The following SLC6A11 variants were observed in gnomAD, a reference collection of about 807,000 sequenced individuals.
SLC6A11 encodes solute carrier family 6 member 11.
SLC6A11 carries 25 observed loss-of-function variants against 74.8 expected under a neutral mutation model. That is an observed-to-expected ratio of 0.33 (90% CI 0.24 to 0.47). The LOEUF (loss-of-function observed/expected upper bound fraction) is 0.47, where lower values mean the gene tolerates loss of function less well. SLC6A11 is among the 20% of genes least tolerant of loss of function. The pLI is 1.00. For synonymous variants in SLC6A11, 330 were observed against 330.2 expected (o/e 1.00, Z 0.01); for missense variants, 574 against 837.0 (o/e 0.69, Z 3.88).
At chr3:10,883,787 A>G (rs997887714) in intron 6 of SLC6A11, among the ~76,000 whole-genome samples, 1 of 152,154 alleles carries the variant, frequency 6.6e-6, no homozygotes, top group Non-Finnish European at 1.5e-5. Flanking sequence ...AAAAATGTCC[A>G]TATCGACATC....
chr3:10,936,155 G>T (rs1170520192), intron 13 of SLC6A11, among the ~76,000 whole-genome samples: 1 of 152,204 alleles, frequency 6.6e-6, no homozygotes, highest in Admixed American at 6.5e-5. Context: ...TGTGCCAGAA[G>T]CTGTTCTAAG....
Position 10,938,419 on chromosome 3 carries a change from T to G in SLC6A11, c.*17T>G, listed in dbSNP as rs1273822390. Reference sequence around the variant, plus strand: ...CACTTCTGAGCGGCCACCAGCCATCTGGGGCTCTTCTTCCTTTCTTCCCCC... The same window carrying G: ...CACTTCTGAGCGGCCACCAGCCATCGGGGGCTCTTCTTCCTTTCTTCCCCC... On this transcript the variant is annotated 3_prime_UTR_variant, in exon 14 of 14. Transcript: ENST00000254488. 1 of 1,574,616 alleles carries G rather than the reference T, an allele frequency of 6.4e-7. No homozygotes were observed. Among genetic ancestry groups the G allele is most frequent in the Admixed American group, 1.8e-5 (1 of 56,942 alleles).
At chr3:10,902,063 CGTGTGTCTGTGTGTGT>C (rs1214054544) in intron 6 of SLC6A11, among the ~76,000 whole-genome samples, 1 of 147,468 alleles carries the variant, frequency 6.8e-6, no homozygotes, top group African/African-American at 2.6e-5. Context: ...GTTGTGTGTG[CGTGTGTCTGTGTGTGT>C]GTGGGTCTGT....
intron 7 of SLC6A11, among the ~76,000 whole-genome samples, chr3:10,916,889 C>T (rs1024990302): frequency 6.6e-6 from 1 of 152,220 alleles, no homozygotes; most frequent in South Asian, 2.1e-4. Context: ...CAGTTCAATG[C>T]TCTCTCTACT....
chr3:10,934,605 T>G (rs2697161), intron 12 of SLC6A11, among the ~76,000 whole-genome samples: 2 of 152,058 alleles, frequency 1.3e-5, no homozygotes, highest in African/African-American at 4.8e-5. Flanking sequence ...TTAAAAAACA[T>G]CCTATCACTC....
intron 5 of SLC6A11, among the ~76,000 whole-genome samples, chr3:10,848,797 G>A (rs1004777059): frequency 3.9e-5 from 6 of 152,188 alleles, no homozygotes; most frequent in African/African-American, 1.4e-4. Flanking sequence ...TATTAGAATG[G>A]CTCCAGAATA....
At position 10,874,928 on chromosome 3, in the gene SLC6A11, C is replaced by A. The variant is rs78860697; in HGVS notation, c.757-33C>A. The A allele has an allele frequency of 5.4e-5, 85 of 1,575,614 alleles. 1 individual carries two copies. The highest frequency in any genetic ancestry group is 1.7e-4 in the Middle Eastern group (1 of 5,958). On this transcript the variant is annotated intron_variant, in intron 5 of 13. Coordinates refer to ENST00000254488, the MANE Select transcript of SLC6A11 (RefSeq NM_014229.3). Reference sequence around the variant, plus strand: ...GAAGTAACCCCATTGCTCTCACCCCCTTCTTGATTCTGTCCTCTCCTCTTG... The same window carrying A: ...GAAGTAACCCCATTGCTCTCACCCCATTCTTGATTCTGTCCTCTCCTCTTG...
At chr3:10,873,908 C>A (rs1278540876) in intron 5 of SLC6A11, among the ~76,000 whole-genome samples, 8 of 152,196 alleles carry the variant, frequency 5.3e-5, no homozygotes. Flanking sequence ...CTATCCTATG[C>A]TATGCTATGC....
intron 10 of SLC6A11, among the ~76,000 whole-genome samples, chr3:10,930,314 C>T (rs1482755956): frequency 6.6e-6 from 1 of 152,068 alleles, no homozygotes; most frequent in Non-Finnish European, 1.5e-5. Flanking sequence ...CTATGGTCCA[C>T]CTGTTCACCT....
rs747033843 is a variant in SLC6A11, at chr3:10,938,370, G to A, written c.1867G>A (p.Ala623Thr). 2.8e-5 allele frequency: 45 copies of A among 1,609,486 alleles called. No individual in the cohort carries two copies. In the South Asian group the frequency reaches 3.4e-4, roughly 12 times the overall value. Residue 623 changes from alanine (A) to threonine (T), a missense_variant, in exon 14 of 14, where the codon GCA (alanine) becomes ACA (threonine). By Grantham distance (58) the Ala-to-Thr change is moderately conservative. Around this residue, in one of 4 missense-constraint regions of SLC6A11, gnomAD observed 257 missense variants for 341.5 expected, o/e 0.75. Coordinates refer to ENST00000254488, the MANE Select transcript of SLC6A11 (RefSeq NM_014229.3). ...CAAACTCAAGAGTGACGGGACCATC[G>A]CAGCCATCACAGAGAAGGAGACGCA... The part of the protein sequence containing the change: ...DAKLKSDGTI[A>T]AITEKETHF
At chr3:10,916,933 C>T (rs532800880) in intron 7 of SLC6A11, among the ~76,000 whole-genome samples, 3 of 152,336 alleles carry the variant, frequency 2.0e-5, no homozygotes, top group Non-Finnish European at 2.9e-5. Flanking sequence ...TGCAAGGCAA[C>T]AGGGTGTTAA....
At chr3:10,903,356 ATGGGTAGGCGGGACC>A (rs1695263568) in intron 6 of SLC6A11, among the ~76,000 whole-genome samples, 1 of 152,170 alleles carries the variant, frequency 6.6e-6, no homozygotes, top group African/African-American at 2.4e-5. Context: ...CTGTACCTTC[ATGGGTAGGCGGGACC>A]CTGGCCCCTA....
intron 5 of SLC6A11, among the ~76,000 whole-genome samples, chr3:10,872,830 C>G (rs1035446601): frequency 6.6e-6 from 1 of 152,200 alleles, no homozygotes; most frequent in African/African-American, 2.4e-5. Context: ...AGGGCATAGA[C>G]TCTTTATCTG....
At chr3:10,838,729 A>G (rs1410942743) in intron 4 of SLC6A11, among the ~76,000 whole-genome samples, 1 of 152,192 alleles carries the variant, frequency 6.6e-6, no homozygotes. Flanking sequence ...AGCCTGGGCT[A>G]TAGAGTGAGA....
At chr3:10,892,582 T>G (rs982540999) in intron 6 of SLC6A11, among the ~76,000 whole-genome samples, 3 of 152,072 alleles carry the variant, frequency 2.0e-5, no homozygotes, top group Non-Finnish European at 2.9e-5. Flanking sequence ...TTTTTTTTTT[T>G]TTTGCTATCA....
Position 10,918,506 on chromosome 3 carries a change from A to G in SLC6A11, c.1120+53A>G. Reference sequence around the variant, plus strand: ...AAGGCGGCAAGGGAGGCCAGGAGTGATGGTCATCATGGAAATGCGATCTTC... The same window carrying G: ...AAGGCGGCAAGGGAGGCCAGGAGTGGTGGTCATCATGGAAATGCGATCTTC... On this transcript the variant is annotated intron_variant, in intron 8 of 13. Transcript: ENST00000254488. The surrounding 1 kb of genome is among the most constrained non-coding windows in gnomAD (Gnocchi z 4.5). The G allele has an allele frequency of 6.4e-7, 1 of 1,558,006 alleles. No individual in the cohort carries two copies. The highest frequency in any genetic ancestry group is 8.6e-7 in the Non-Finnish European group (1 of 1,156,834).
rs74686738 is a variant in SLC6A11, at chr3:10,900,598, C to T, written c.892-11492C>T. On this transcript the variant is annotated intron_variant, in intron 6 of 13. Transcript: ENST00000254488. The stretch of plus-strand genomic sequence containing the variant: ...GTCTTTTCTATTGCTTGAAGTTTAG[C>T]TCCCTTTTGGCTTCTCCAGGGCATG... 1.6e-4 allele frequency among the ~76,000 whole-genome samples: 24 copies of T among 152,354 alleles called. No individual in the cohort carries two copies. In the East Asian group the frequency reaches 4.4e-3, roughly 28 times the overall value.
chr3:10,881,906 T>C (rs564706323), intron 6 of SLC6A11, among the ~76,000 whole-genome samples: 1 of 152,266 alleles, frequency 6.6e-6, no homozygotes, highest in East Asian at 1.9e-4. Flanking sequence ...CAGACATGCC[T>C]ATTTGCTGTG....
chr3:10,920,917 T>C (rs17033651), intron 8 of SLC6A11, among the ~76,000 whole-genome samples: 2,587 of 152,302 alleles, frequency 0.017, 87 homozygotes, highest in East Asian at 0.16. Flanking sequence ...AGTCTGCCAA[T>C]TGGAGAAAAT....
Sources: gnomAD v4.1 joint callset for allele counts (sites outside exome capture counted in the v4.1 genomes callset) on GRCh38, gnomAD v4.1.1 for gene constraint, gnomAD v4.1.1 regional missense constraint, Gnocchi (gnomAD v3.1) non-coding constraint, MANE v1.5 for transcripts, NCBI Gene and HGNC (gene_info 2026-07-23, HGNC 2026-07-21) for gene names.